Variants in NPIPB6 observed in about 807,000 individuals in gnomAD.
NPIPB6 encodes nuclear pore complex-interacting protein family member B6.
Under a neutral mutation model 20.0 loss-of-function variants are expected in NPIPB6, and 2 were observed. That is an observed-to-expected ratio of 0.10 (90% confidence interval 0.04 to 0.31). The LOEUF is 0.31. NPIPB6 is among the 10% of genes least tolerant of loss of function. The pLI is 1.00. For synonymous variants in NPIPB6, 35 were observed against 116.3 expected, an observed-to-expected ratio of 0.30 and a Z score of 4.50; for missense variants, 96 against 293.7, an observed-to-expected ratio of 0.33 and a Z score of 4.92.
chr16:28,347,970 C>A lies in NPIPB6; in HGVS notation c.599+864G>T, dbSNP rs529981512. Among the ~76,000 whole-genome samples, 906 of 119,010 alleles carry A rather than the reference C, an allele frequency of 7.6e-3. 50 individuals are homozygous for A. The highest frequency in any genetic ancestry group is 0.021 in the African/African-American group (745 of 34,780). 78.1% of individuals were successfully genotyped at this position (119,010 alleles called of 152,430 possible). ...ACTAAGAATACAAAAATTATCCGGG[C>A]ATGGTGGCATATGCCTGTAGTCCCA... is the stretch of plus-strand genomic sequence containing the variant. On this transcript the variant is annotated intron_variant, in intron 4 of 6. Coordinates refer to ENST00000532254, the Ensembl canonical transcript of NPIPB6.
chr16:28,348,275 A>C (rs1382659169), intron 4 of NPIPB6, among the ~76,000 whole-genome samples: 2 of 110,734 alleles, frequency 1.8e-5, no homozygotes, highest in African/African-American at 3.1e-5. Flanking sequence ...TTCTATCTCA[A>C]AATTTTAAAA....
chr16:28,361,701 A>G (rs1389731945), intron 1 of NPIPB6, among the ~76,000 whole-genome samples: 3 of 148,296 alleles, frequency 2.0e-5, no homozygotes, highest in African/African-American at 4.9e-5. Flanking sequence ...AGCCTGGGCG[A>G]CAGAGTGAAA....
intron 4 of NPIPB6, among the ~76,000 whole-genome samples, 159 bp downstream of exon 5, chr16:28,348,675 T>G (rs1420190708): frequency 1.2e-5 from 1 of 84,610 alleles, no homozygotes; most frequent in African/African-American, 4.0e-5. Flanking sequence ...GGAAAGGAAT[T>G]ATACAGCTTA....
chr16:28,355,804 C>T (rs1307185052), intron 1 of NPIPB6, among the ~76,000 whole-genome samples: 2 of 120,040 alleles, frequency 1.7e-5, no homozygotes, highest in African/African-American at 5.8e-5. Context: ...GAAAGGGGGT[C>T]GGTTTATGCT....
intron 2 of NPIPB6, among the ~76,000 whole-genome samples, chr16:28,349,908 A>G (rs1291659161): frequency 1.0e-4 from 11 of 105,070 alleles, no homozygotes; most frequent in African/African-American, 3.5e-4. Flanking sequence ...AAAAAAAAAA[A>G]AAAAAAGAGC....
At chr16:28,348,085 G>C (rs1476101284) in intron 4 of NPIPB6, among the ~76,000 whole-genome samples, 3 of 112,902 alleles carry the variant, frequency 2.7e-5, no homozygotes, top group South Asian at 2.7e-4. Flanking sequence ...ACTCTAGCCT[G>C]GGTGACAGAG....
At chr16:28,361,728 A>C (rs1316376628) in intron 1 of NPIPB6, among the ~76,000 whole-genome samples, 1,079 of 105,502 alleles carry the variant, frequency 0.01, 3 homozygotes, top group African/African-American at 0.04. Flanking sequence ...CTCTCTCTCT[A>C]TATGTGTGTG....
At chr16:28,347,509 A>G (rs1248400538) in intron 4 of NPIPB6, among the ~76,000 whole-genome samples, 1 of 123,880 alleles carries the variant, frequency 8.1e-6, no homozygotes, top group African/African-American at 2.6e-5. Flanking sequence ...ACCATCCCCC[A>G]GAAGTAGACT....
chr16:28,356,749 G>C (rs1213345466), intron 1 of NPIPB6: 3 of 24,818 alleles, frequency 1.2e-4, no homozygotes, highest in African/African-American at 6.4e-4. Flanking sequence ...GGGAGGGGAA[G>C]GGGAGGGGGA....
At position 28,350,099 on chromosome 16, in the gene NPIPB6, A is replaced by C. The variant is rs1359376407; in HGVS notation, c.304-858T>G. Among the ~76,000 whole-genome samples, 3 of 97,674 alleles carry C rather than the reference A, an allele frequency of 3.1e-5. 1 individual carries two copies. Among genetic ancestry groups the C allele is most frequent in the African/African-American group, 6.7e-5 (2 of 29,924 alleles). 64.1% of individuals were successfully genotyped at this position (97,674 alleles called of 152,430 possible). The stretch of plus-strand genomic sequence containing the variant: ...GTAGTCCCAGCTACTCGGGAGGCTG[A>C]GGCAGGAGAACTGCTTGAACCCAGA... On this transcript the variant is annotated intron_variant, in intron 2 of 6. Transcript: ENST00000532254.
intron 1 of NPIPB6, among the ~76,000 whole-genome samples, chr16:28,360,184 C>T (rs1198224825): frequency 2.4e-5 from 3 of 126,688 alleles, no homozygotes; most frequent in African/African-American, 8.2e-5. Flanking sequence ...AACCTCCAGC[C>T]CTAATCTGAG....
intron 2 of NPIPB6, among the ~76,000 whole-genome samples, chr16:28,349,819 A>G (rs2045185252): frequency 4.3e-5 from 4 of 93,068 alleles, no homozygotes. Context: ...ACCCAGCAGG[A>G]AAAGGTTGTG....
chr16:28,342,996 C>A, exon 7 of NPIPB6: 4 of 1,564,308 alleles, frequency 2.6e-6, no homozygotes, highest in Non-Finnish European at 2.6e-6. Flanking sequence ...ATATTATCAT[C>A]CACTGAGGGT....
rs2045309557 is a variant in NPIPB6, at chr16:28,355,913, G to A, written c.121-2852C>T. On this transcript the variant is annotated intron_variant, in intron 1 of 6. Transcript: ENST00000532254. The stretch of plus-strand genomic sequence containing the variant: ...CCTGTAATCCCAGCACTGGGAGGCC[G>A]AGGCAGGCAGATCACGAGGTCAAGA... Among the ~76,000 whole-genome samples, 2 of 119,152 alleles carry A rather than the reference G, an allele frequency of 1.7e-5. 1 individual carries two copies. The highest frequency in any genetic ancestry group is 5.8e-5 in the African/African-American group (2 of 34,456). 78.2% of individuals were successfully genotyped at this position (119,152 alleles called of 152,430 possible). A position where few individuals can be genotyped will look rare whatever the true frequency, so the allele number is the denominator to read the frequency against.
exon 7 of NPIPB6, chr16:28,342,756 G>T (rs143780724): frequency 1.3e-6 from 2 of 1,562,630 alleles, no homozygotes; most frequent in Non-Finnish European, 1.7e-6. Context: ...TCCACCCTCC[G>T]CCTCTTGGGT....
exon 7 of NPIPB6, chr16:28,342,802 C>T (rs1309453971): frequency 6.3e-7 from 1 of 1,591,246 alleles, no homozygotes; most frequent in East Asian, 2.3e-5. Context: ...CCCTCCACCT[C>T]TTGGGTTTGG....
Position 28,359,751 on chromosome 16 carries a change from T to G in NPIPB6, c.120+2952A>C, listed in dbSNP as rs1194649584. Among the ~76,000 whole-genome samples, 11 of 151,480 alleles carry G rather than the reference T, an allele frequency of 7.3e-5. No individual in the cohort carries two copies. In the South Asian group the frequency reaches 1.3e-3, roughly 17 times the overall value. On this transcript the variant is annotated intron_variant, in intron 1 of 6. Coordinates refer to ENST00000532254, the Ensembl canonical transcript of NPIPB6. ...TGGTAGGACTCCTGGGTCCCCAGGG[T>G]GCAGGTCCATCTTCAGTGGCATTGG...
At position 28,349,547 on chromosome 16, in the gene NPIPB6, TCACACACACACACACA is replaced by T. The variant is rs71225064; in HGVS notation, c.304-322_304-307del. On this transcript the variant is annotated intron_variant, in intron 2 of 6. Coordinates refer to ENST00000532254, the Ensembl canonical transcript of NPIPB6. Reference sequence around the variant, plus strand: ...GCCTGAGCGACAGAATGAGACTCTGTCACACACACACACACACACACACACACACACACACACACAC... The same window carrying T: ...GCCTGAGCGACAGAATGAGACTCTGTCACACACACACACACACACACACAC... Among the ~76,000 whole-genome samples the T allele has an allele frequency of 4.1e-3, 238 of 57,612 alleles. 1 individual carries two copies. The highest frequency in any genetic ancestry group is 0.013 in the African/African-American group (212 of 16,052). 37.8% of individuals were successfully genotyped at this position (57,612 alleles called of 152,430 possible). A position where few individuals can be genotyped will look rare whatever the true frequency, so the allele number is the denominator to read the frequency against.
chr16:28,349,011 A>G, exon 4 of NPIPB6: 1 of 164,548 alleles, frequency 6.1e-6, no homozygotes, highest in South Asian at 3.1e-5. Context: ...CTTTGTGTGC[A>G]TACAAATGGA....
Sources: gnomAD v4.1 joint callset for allele counts (sites outside exome capture counted in the v4.1 genomes callset) on GRCh38, gnomAD v4.1.1 for gene constraint, MANE v1.5 for transcripts, NCBI Gene and HGNC (gene_info 2026-07-23, HGNC 2026-07-21) for gene names.